The following DUSP22 variants were observed in gnomAD, a reference collection of about 807,000 sequenced individuals.
DUSP22 encodes dual specificity phosphatase 22, also known as dual specificity protein phosphatase 22.
Under a neutral mutation model 24.5 loss-of-function variants are expected in DUSP22, and 24 were observed. That is an observed-to-expected ratio of 0.98 (90% CI 0.71 to 1.38). The LOEUF is 1.38. Ranked by LOEUF, DUSP22 falls within the 40% of genes most tolerant of loss-of-function variation. The pLI is 0.00. For missense variants in DUSP22, 330 were observed against 269.2 expected (o/e 1.23, Z -1.58); for synonymous variants, 160 against 106.4 (o/e 1.50, Z -3.10).
chr6:331,536 C>T (rs1174819125), intron 3 of DUSP22, among the ~76,000 whole-genome samples: 1 of 152,310 alleles, frequency 6.6e-6, no homozygotes, highest in Non-Finnish European at 1.5e-5. Context: ...GTGGTCCTGT[C>T]TTGAGGACCT....
intron 1 of DUSP22, among the ~76,000 whole-genome samples, chr6:302,526 G>A (rs1451421071): frequency 6.6e-6 from 1 of 152,312 alleles, no homozygotes; most frequent in Non-Finnish European, 1.5e-5. Flanking sequence ...CGACCCCAGA[G>A]TGGTCAGGTC....
At chr6:321,035 G>A (rs927338929) in intron 3 of DUSP22, among the ~76,000 whole-genome samples, 14 of 152,302 alleles carry the variant, frequency 9.2e-5, no homozygotes, top group South Asian at 4.1e-4. Context: ...CAGGGGAGGC[G>A]GCTAACACTG....
intron 1 of DUSP22, among the ~76,000 whole-genome samples, chr6:295,786 C>T (rs1271166822): frequency 4.2e-5 from 6 of 141,654 alleles, no homozygotes; most frequent in East Asian, 2.1e-4. Context: ...AGCGACAGAG[C>T]GAGACCCTGT....
chr6:303,315 T>G (rs1346752638), intron 1 of DUSP22, among the ~76,000 whole-genome samples: 8 of 152,296 alleles, frequency 5.3e-5, no homozygotes, highest in African/African-American at 1.7e-4. Flanking sequence ...CTTTTCATTC[T>G]TGGACTGTCC....
rs766724185 is a variant in DUSP22 at position 304,649 on chromosome 6, G to A, written c.43G>A (p.Gly15Ser). Residue 15 changes from glycine to serine, a missense_variant, in exon 2 of 7, where the codon GGC becomes AGC. Transcript: ENST00000419235. ...CTAGATCCTGCCCGGCCTGTACATC[G>A]GCAACTTCAAAGGTGAGTTCTTGCT... The part of the protein sequence containing the change: ...MNKILPGLYI[G>S]NFKDARDAEQ... 1.0e-4 allele frequency: 168 copies of A among 1,614,010 alleles called. No individual in the cohort carries two copies. Among genetic ancestry groups the A allele is most frequent in the Middle Eastern group, 4.9e-4 (3 of 6,084 alleles).
chr6:349,328 A>G lies in DUSP22; in HGVS notation c.*377A>G. On this transcript the variant is annotated 3_prime_UTR_variant, in exon 7 of 7. Coordinates refer to ENST00000419235, the MANE Select transcript of DUSP22 (RefSeq NM_001286555.3). ...GTATGTTGTGAAAGTGTCTGTGCAC[A>G]TGAATGTTTGTGTGTGTGTGAACTC... 9.2e-7 allele frequency: 1 copy of G among 1,092,896 alleles called. No homozygotes were observed. The highest frequency in any genetic ancestry group is 1.1e-6 in the Non-Finnish European group (1 of 896,580). 67.7% of individuals were successfully genotyped at this position (1,092,896 alleles called of 1,614,324 possible). A position where few individuals can be genotyped will look rare whatever the true frequency, so the allele number is the denominator to read the frequency against.
At chr6:301,152 C>T (rs1422601639) in intron 1 of DUSP22, among the ~76,000 whole-genome samples, 2 of 152,308 alleles carry the variant, frequency 1.3e-5, no homozygotes, top group Non-Finnish European at 2.9e-5. Flanking sequence ...CACCAAGACT[C>T]CCTGGGGCCA....
intron 2 of DUSP22, among the ~76,000 whole-genome samples, chr6:309,735 GA>G: frequency 2.0e-5 from 3 of 151,496 alleles, no homozygotes; most frequent in Non-Finnish European, 4.4e-5. Context: ...AAAGAAGGAA[GA>G]AAACCCTTGT....
At chr6:292,596 C>T (rs369792872) in intron 1 of DUSP22, 36 bp downstream of exon 1, 7 of 1,583,762 alleles carry the variant, frequency 4.4e-6, no homozygotes, top group African/African-American at 1.4e-5. Flanking sequence ...GGTTTGCCTC[C>T]GCTCCGACGC....
At chr6:348,723 C>A (rs2089809) in intron 6 of DUSP22, 46 bp from the exon 7 acceptor site, 1 of 1,611,228 alleles carries the variant, frequency 6.2e-7, no homozygotes, top group Admixed American at 1.7e-5. Flanking sequence ...TGGATGCAGA[C>A]GTGCACATGT....
intron 1 of DUSP22, 118 bp downstream of exon 1, chr6:292,678 C>A (rs1319035420): frequency 9.4e-6 from 13 of 1,384,082 alleles, no homozygotes; most frequent in Non-Finnish European, 1.2e-5. Flanking sequence ...TGGGGACGGG[C>A]GCGGAGGGAG....
chr6:323,810 G>T (rs748254413), intron 3 of DUSP22, among the ~76,000 whole-genome samples: 1 of 152,304 alleles, frequency 6.6e-6, no homozygotes, highest in African/African-American at 2.4e-5. Flanking sequence ...GCAGAGCCTC[G>T]CCGGGGTAGA....
At chr6:317,277 G>T (rs11961692) in intron 3 of DUSP22, among the ~76,000 whole-genome samples, 943 of 151,912 alleles carry the variant, frequency 6.2e-3, no homozygotes, top group African/African-American at 0.022. Context: ...GCCTGAGGCC[G>T]AGGTCTCCTG....
In DUSP22 at chr6:341,148, C is replaced by A. The variant is rs538797090; in HGVS notation, c.189-4706C>A. On this transcript the variant is annotated intron_variant, in intron 4 of 6. Transcript: ENST00000419235. Reference sequence around the variant, plus strand: ...GCGGGCAGGAGCGGGCATGATAGCCCCGGGCGCTGTTTGGTGAGTTTCTAA... The same window carrying A: ...GCGGGCAGGAGCGGGCATGATAGCCACGGGCGCTGTTTGGTGAGTTTCTAA... Among the ~76,000 whole-genome samples, 12 of 152,416 alleles carry A rather than the reference C, an allele frequency of 7.9e-5. No individual in the cohort carries two copies. The East Asian group carries it at 2.3e-3, about 29-fold the overall frequency.
At chr6:311,751 G>A (rs1407649813) in intron 2 of DUSP22, 129 bp from the exon 3 acceptor site, 1 of 979,080 alleles carries the variant, frequency 1.0e-6, no homozygotes, top group African/African-American at 1.7e-5. Context: ...TACATGTATG[G>A]TCAGTTATGA....
chr6:337,510 G>A (rs1759411190), intron 4 of DUSP22, among the ~76,000 whole-genome samples: 1 of 152,304 alleles, frequency 6.6e-6, no homozygotes, highest in South Asian at 2.1e-4. Flanking sequence ...AGGGGAGACA[G>A]AGATATGCCA....
At chr6:314,430 A>G (rs905028124) in intron 3 of DUSP22, among the ~76,000 whole-genome samples, 2 of 152,306 alleles carry the variant, frequency 1.3e-5, no homozygotes, top group Non-Finnish European at 2.9e-5. Context: ...CGTATTGGGC[A>G]CTACACTGTG....
At chr6:300,484 C>A (rs1581143352) in intron 1 of DUSP22, among the ~76,000 whole-genome samples, 3 of 152,424 alleles carry the variant, frequency 2.0e-5, no homozygotes, top group South Asian at 4.1e-4. Context: ...CACTAGGAAG[C>A]TGCTGCAGGA....
chr6:350,949 A>G lies in DUSP22; in HGVS notation c.*1998A>G. ...AAAAAGAAAAGCAACATAGAGTTTAAGTATCCAGTAGTGATTTGTAAACTT... is the reference window on the plus strand; with the variant it reads ...AAAAAGAAAAGCAACATAGAGTTTAGGTATCCAGTAGTGATTTGTAAACTT... On this transcript the variant is annotated 3_prime_UTR_variant, in exon 7 of 7. Coordinates refer to ENST00000419235, the MANE Select transcript of DUSP22 (RefSeq NM_001286555.3). 2.6e-6 allele frequency: 4 copies of G among 1,565,912 alleles called. No individual in the cohort carries two copies. Among genetic ancestry groups the G allele is most frequent in the Non-Finnish European group, 3.5e-6 (4 of 1,140,084 alleles).
Sources: gnomAD v4.1 joint callset for allele counts (sites outside exome capture counted in the v4.1 genomes callset) on GRCh38, gnomAD v4.1.1 for gene constraint, MANE v1.5 for transcripts, NCBI Gene and HGNC (gene_info 2026-07-23, HGNC 2026-07-21) for gene names.